The following OPCML variants were observed in gnomAD, a reference collection of about 807,000 sequenced individuals.
OPCML encodes the protein opioid binding protein/cell adhesion molecule like, also known as opioid-binding protein/cell adhesion molecule.
Under a neutral mutation model 37.8 loss-of-function variants are expected in OPCML, and 13 were observed. That is an observed-to-expected ratio of 0.34 (90% CI 0.22 to 0.55). OPCML has a LOEUF of 0.55. Ranked by LOEUF, OPCML falls within the 20% of genes least tolerant of loss-of-function variation. The pLI is 0.91. For missense variants in OPCML, 341 were observed against 435.6 expected (o/e 0.78, Z 1.93); for synonymous variants, 176 against 168.8 (o/e 1.04, Z -0.33).
rs967899938 is a variant in OPCML at position 132,656,130 on chromosome 11, T to C, written c.379+957A>G. 2.1e-4 allele frequency among the ~76,000 whole-genome samples: 32 copies of C among 152,228 alleles called. No homozygotes were observed. The East Asian group carries it at 6.0e-3, about 29-fold the overall frequency. On this transcript the variant is annotated intron_variant, in intron 3 of 7. Transcript: ENST00000524381. ...GGTGGAGGAAGGATGCATCACTGGCTGACGGAACTAATGTGCTTACAACTT... is the reference window on the plus strand; with the variant it reads ...GGTGGAGGAAGGATGCATCACTGGCCGACGGAACTAATGTGCTTACAACTT...
intron 1 of OPCML, among the ~76,000 whole-genome samples, chr11:133,431,924 A>G (rs1946127509): frequency 6.6e-6 from 1 of 151,892 alleles, no homozygotes; most frequent in African/African-American, 2.4e-5. Flanking sequence ...AAATTGGAAG[A>G]AAATATATCA....
intron 2 of OPCML, among the ~76,000 whole-genome samples, chr11:132,745,014 C>A (rs1033798977): frequency 6.6e-6 from 1 of 151,540 alleles, no homozygotes; most frequent in Non-Finnish European, 1.5e-5. Flanking sequence ...GGAACCACAC[C>A]CCTGGGAGAA....
intron 4 of OPCML, among the ~76,000 whole-genome samples, chr11:132,507,251 G>A (rs2096259200): frequency 6.6e-6 from 1 of 151,794 alleles, no homozygotes; most frequent in South Asian, 2.1e-4. Context: ...ATTAAAATCC[G>A]GTATTACTCA....
chr11:133,350,208 G>A (rs912099310), intron 1 of OPCML, among the ~76,000 whole-genome samples: 5 of 152,152 alleles, frequency 3.3e-5, no homozygotes, highest in Admixed American at 6.5e-5. Flanking sequence ...AAATGTCTTC[G>A]AAATCAAAAG....
rs2096251096 is a variant in OPCML, at chr11:132,503,986, G to A, written c.505+25075C>T. 2.0e-5 allele frequency among the ~76,000 whole-genome samples: 3 copies of A among 152,100 alleles called. No homozygotes were observed. The South Asian group carries it at 6.2e-4, about 32-fold the overall frequency. ...TATCTTTTATGCACCTTTGTTAAAA[G>A]CAAGGAGAGATATCTGCTTCAAAAT... is the stretch of plus-strand genomic sequence containing the variant. On this transcript the variant is annotated intron_variant, in intron 4 of 7. Transcript: ENST00000524381.
rs530174882 is a variant in OPCML, at chr11:132,647,882, A to G, written c.379+9205T>C. On this transcript the variant is annotated intron_variant, in intron 3 of 7. Coordinates refer to ENST00000524381, the MANE Select transcript of OPCML (RefSeq NM_001012393.5). Reference sequence around the variant, plus strand: ...CTGGTGATTATTTTGCTTCACTTCTATTGCTCTTCAATTTCTATGCCTATA... The same window carrying G: ...CTGGTGATTATTTTGCTTCACTTCTGTTGCTCTTCAATTTCTATGCCTATA... Among the ~76,000 whole-genome samples, 8 of 152,342 alleles carry G rather than the reference A, an allele frequency of 5.3e-5. No homozygotes were observed. The East Asian group carries it at 1.2e-3, about 22-fold the overall frequency.
intron 2 of OPCML, among the ~76,000 whole-genome samples, chr11:132,853,866 A>G (rs1941926142): frequency 6.6e-6 from 1 of 152,218 alleles, no homozygotes; most frequent in Non-Finnish European, 1.5e-5. Context: ...CAAAATGTGC[A>G]GGGAGTTTTC....
intron 1 of OPCML, among the ~76,000 whole-genome samples, chr11:133,036,790 A>G (rs1435938158): frequency 6.6e-6 from 1 of 152,220 alleles, no homozygotes; most frequent in Non-Finnish European, 1.5e-5. Context: ...CTGGCAGCTT[A>G]AGTTTATGGT....
chr11:132,762,400 G>A (rs1732790524), intron 2 of OPCML, among the ~76,000 whole-genome samples: 1 of 152,354 alleles, frequency 6.6e-6, no homozygotes, highest in Admixed American at 6.5e-5. Flanking sequence ...GTCTGATGAA[G>A]CTGCACCCAT....
intron 3 of OPCML, among the ~76,000 whole-genome samples, chr11:132,543,561 G>A (rs2096362150): frequency 6.6e-6 from 1 of 151,744 alleles, no homozygotes; most frequent in African/African-American, 2.4e-5. Flanking sequence ...AAATAGTATA[G>A]AATAGACCAT....
chr11:133,153,994 G>A (rs955917425), intron 1 of OPCML, among the ~76,000 whole-genome samples: 1 of 151,580 alleles, frequency 6.6e-6, no homozygotes, highest in Non-Finnish European at 1.5e-5. Flanking sequence ...AGGACCCTGG[G>A]TGAGAAGAAG....
chr11:133,438,977 C>A (rs933899747), intron 1 of OPCML, among the ~76,000 whole-genome samples: 1 of 152,134 alleles, frequency 6.6e-6, no homozygotes, highest in Non-Finnish European at 1.5e-5. Context: ...CCATGCCTTG[C>A]CCTACGAATC....
At chr11:133,133,290 A>C (rs1949633497) in intron 1 of OPCML, among the ~76,000 whole-genome samples, 1 of 152,114 alleles carries the variant, frequency 6.6e-6, no homozygotes, top group Non-Finnish European at 1.5e-5. Flanking sequence ...GTGCAATCAG[A>C]GATAATTGGT....
intron 2 of OPCML, among the ~76,000 whole-genome samples, chr11:132,671,304 A>C (rs1942468278): frequency 6.6e-6 from 1 of 152,128 alleles, no homozygotes. Flanking sequence ...AGATTATGCG[A>C]ACTGTCTCTC....
chr11:133,151,450 TG>T (rs780589693), intron 1 of OPCML, among the ~76,000 whole-genome samples: 212 of 151,434 alleles, frequency 1.4e-3, no homozygotes, highest in Non-Finnish European at 2.5e-3. Flanking sequence ...AAAAAGAGAA[TG>T]TATTTTTTTT....
At chr11:133,374,472 T>C (rs1944754260) in intron 1 of OPCML, among the ~76,000 whole-genome samples, 1 of 152,178 alleles carries the variant, frequency 6.6e-6, no homozygotes, top group Non-Finnish European at 1.5e-5. Flanking sequence ...CTATCGTGTG[T>C]CCATTATATC....
intron 4 of OPCML, among the ~76,000 whole-genome samples, chr11:132,496,411 A>C (rs1458818445): frequency 1.3e-5 from 2 of 152,188 alleles, no homozygotes; most frequent in African/African-American, 2.4e-5. Flanking sequence ...CATATCTTAC[A>C]TTTTTCTGAA....
intron 1 of OPCML, among the ~76,000 whole-genome samples, chr11:133,008,697 G>T (rs1947158822): frequency 6.6e-6 from 1 of 152,306 alleles, no homozygotes; most frequent in Non-Finnish European, 1.5e-5. Flanking sequence ...GGCCATTGCT[G>T]CACCAGAATC....
chr11:133,438,379 T>A (rs2136932129), intron 1 of OPCML, among the ~76,000 whole-genome samples: 1 of 151,862 alleles, frequency 6.6e-6, no homozygotes, highest in Non-Finnish European at 1.5e-5. Context: ...ACAGGCAAGA[T>A]CCAAACAAAT....
Sources: allele counts gnomAD v4.1 joint callset (sites outside exome capture counted in the v4.1 genomes callset), GRCh38; gene constraint gnomAD v4.1.1; transcripts MANE v1.5; gene names NCBI Gene and HGNC (gene_info 2026-07-23, HGNC 2026-07-21).